The following MND1 variants were observed in gnomAD, a reference collection of about 807,000 sequenced individuals.
MND1 encodes meiotic nuclear division protein 1 homolog.
In MND1, 28 loss-of-function variants were observed where a neutral mutation model predicts 35.1. That is an observed-to-expected ratio of 0.80 (90% CI 0.59 to 1.09). The LOEUF is 1.09. MND1 is among the 50% of genes least tolerant of loss of function. MND1 has a pLI of 0.00. For synonymous variants in MND1, 69 were observed against 70.5 expected, an observed-to-expected ratio of 0.98 and a Z score of 0.11; for missense variants, 213 against 239.6, an observed-to-expected ratio of 0.89 and a Z score of 0.73.
Position 153,358,605 on chromosome 4 carries a change from G to A in MND1, c.259G>A (p.Glu87Lys), listed in dbSNP as rs1223472417. 1.4e-5 allele frequency: 22 copies of A among 1,612,314 alleles called. No individual in the cohort carries two copies. Among genetic ancestry groups the A allele is most frequent in the Non-Finnish European group, 1.8e-5 (21 of 1,179,408 alleles). The change falls in exon 4 of 8, where the codon GAG becomes AAG. Residue 87 changes from glutamate to lysine, a missense_variant. Transcript: ENST00000240488. ...TCTTCATGCAAGGAAACATAAGTTG[G>A]AGGTTCTGGAATCTCAGGTAAGCTG... is the stretch of plus-strand genomic sequence containing the variant. ...KALHARKHKL[E>K]VLESQLSEGS...
intron 2 of MND1, among the ~76,000 whole-genome samples, chr4:153,354,094 C>T (rs1235334262): frequency 6.6e-6 from 1 of 152,124 alleles, no homozygotes; most frequent in Admixed American, 6.5e-5. Context: ...AAGTTCTTTT[C>T]ACCACTTCAA....
chr4:153,344,834 A>C, intron 1 of MND1, 94 bp downstream of exon 1: 2 of 1,530,644 alleles, frequency 1.3e-6, no homozygotes, highest in South Asian at 2.4e-5. Flanking sequence ...CCTGGCGTTG[A>C]CCGCCATTCC....
At chr4:153,355,788 G>A in intron 3 of MND1, 77 bp downstream of exon 3, 1 of 936,512 alleles carries the variant, frequency 1.1e-6, no homozygotes, top group Non-Finnish European at 1.7e-6. Flanking sequence ...TATTCATTAA[G>A]TCATCTTTTC....
chr4:153,371,715 C>CTTTCTCTATCTCA lies in MND1; in HGVS notation c.276+13093_276+13094insTTTCTCTATCTCA, dbSNP rs1195634910. Among the ~76,000 whole-genome samples, 6 of 152,046 alleles carry CTTTCTCTATCTCA rather than the reference C, an allele frequency of 3.9e-5. No homozygotes were observed. The East Asian group carries it at 7.7e-4, about 19-fold the overall frequency. On this transcript the variant is annotated intron_variant, in intron 4 of 7. Coordinates refer to ENST00000240488, the MANE Select transcript of MND1 (RefSeq NM_032117.4). ...TAAAACTTTCTCTATCTCAGCAATACGGCTGTTTTGCTTTCTCATCATTTG... is the reference window on the plus strand; with the variant it reads ...TAAAACTTTCTCTATCTCAGCAATACTTTCTCTATCTCAGGCTGTTTTGCTTTCTCATCATTTG...
At chr4:153,353,463 A>C (rs1192852850) in intron 2 of MND1, among the ~76,000 whole-genome samples, 1 of 133,206 alleles carries the variant, frequency 7.5e-6, no homozygotes, top group Non-Finnish European at 1.6e-5. Flanking sequence ...CTATCCACTT[A>C]TCTCTCCATC....
intron 4 of MND1, among the ~76,000 whole-genome samples, chr4:153,369,664 T>G (rs1361419137): frequency 6.6e-6 from 1 of 152,210 alleles, no homozygotes; most frequent in Non-Finnish European, 1.5e-5. Context: ...GCCTTGATCT[T>G]GATGGCTGCT....
At chr4:153,362,933 A>G (rs1453311311) in intron 4 of MND1, 2 of 871,966 alleles carry the variant, frequency 2.3e-6, no homozygotes, top group Non-Finnish European at 2.8e-6. Context: ...ACTGCATAAA[A>G]TTTAGTATGC....
At chr4:153,409,963 A>G (rs2149660448) in intron 7 of MND1, among the ~76,000 whole-genome samples, 1 of 152,312 alleles carries the variant, frequency 6.6e-6, no homozygotes, top group Middle Eastern at 3.4e-3. Context: ...TTCAACAAAG[A>G]GGCTCAGCAC....
chr4:153,380,985 C>T (rs865843404), intron 4 of MND1, among the ~76,000 whole-genome samples: 1 of 151,670 alleles, frequency 6.6e-6, no homozygotes, highest in Non-Finnish European at 1.5e-5. Context: ...CTGCAAGCTC[C>T]GCCTCCTGGG....
At chr4:153,409,637 T>C (rs10030725) in intron 7 of MND1, among the ~76,000 whole-genome samples, 83,327 of 152,050 alleles carry the variant, frequency 0.55, 24,801 homozygotes, top group African/African-American at 0.8. Flanking sequence ...CAAGAACAGA[T>C]GCTGGAGCCA....
intron 6 of MND1, among the ~76,000 whole-genome samples, chr4:153,398,695 C>T (rs184045105): frequency 3.9e-5 from 6 of 152,332 alleles, no homozygotes; most frequent in Admixed American, 2.6e-4. Flanking sequence ...AGAATGTCAG[C>T]TCTTTTATGC....
chr4:153,387,843 T>C (rs1453808401), intron 4 of MND1, among the ~76,000 whole-genome samples: 1 of 151,940 alleles, frequency 6.6e-6, no homozygotes, highest in Non-Finnish European at 1.5e-5. Flanking sequence ...TAACCTTTTT[T>C]TTTTCCACAA....
chr4:153,355,893 T>G (rs1051478823), intron 3 of MND1, 182 bp downstream of exon 3: 12 of 549,718 alleles, frequency 2.2e-5, no homozygotes, highest in African/African-American at 2.1e-4. Flanking sequence ...GTCCTTTATT[T>G]TTCTGTATAA....
chr4:153,390,891 GTGTGTGTGTGTGTGTGTGTGTGTGTATA>G (rs1274246241), intron 4 of MND1, among the ~76,000 whole-genome samples: 15 of 50,088 alleles, frequency 3.0e-4, no homozygotes, highest in African/African-American at 1.1e-3. Context: ...GTATATATAT[GTGTGTGTGTGTGTGTGTGTGTGTGTATA>G]TGTGTGTGTG....
intron 1 of MND1, 95 bp downstream of exon 1, chr4:153,344,835 C>T (rs897610091): frequency 2.0e-6 from 3 of 1,527,596 alleles, no homozygotes; most frequent in East Asian, 2.6e-5. Context: ...CTGGCGTTGA[C>T]CGCCATTCCG....
At position 153,358,446 on chromosome 4, in the gene MND1, CAT is replaced by C. The variant is rs763174364; in HGVS notation, c.128-26_128-25del. The C allele has an allele frequency of 4.1e-5, 64 of 1,551,972 alleles. No individual in the cohort carries two copies. In the South Asian group the frequency reaches 6.8e-4, roughly 16 times the overall value. Reference sequence around the variant, plus strand: ...AATTTTATTTATGGTGTTTTTCTAACATAGAGTCTTTAAAAATTGTCTCTTAG... The same window carrying C: ...AATTTTATTTATGGTGTTTTTCTAACAGAGTCTTTAAAAATTGTCTCTTAG... On this transcript the variant is annotated intron_variant, in intron 3 of 7. Transcript: ENST00000240488.
intron 6 of MND1, among the ~76,000 whole-genome samples, chr4:153,400,935 T>A (rs1347909120): frequency 6.6e-6 from 1 of 152,068 alleles, no homozygotes; most frequent in East Asian, 1.9e-4. Flanking sequence ...AGAGAAGATA[T>A]AAAAAAGACC....
chr4:153,366,228 A>G (rs1463815157), intron 4 of MND1, among the ~76,000 whole-genome samples: 1 of 152,226 alleles, frequency 6.6e-6, no homozygotes, highest in East Asian at 1.9e-4. Flanking sequence ...AGGATCTGTC[A>G]TAGTAATCCT....
chr4:153,349,868 T>C (rs1446227474), intron 1 of MND1, among the ~76,000 whole-genome samples, 196 bp from the exon 2 acceptor site: 1 of 152,222 alleles, frequency 6.6e-6, no homozygotes, highest in African/African-American at 2.4e-5. Flanking sequence ...TGCCTCAATT[T>C]ACAGTTACCA....
Sources: allele counts gnomAD v4.1 joint callset (sites outside exome capture counted in the v4.1 genomes callset), GRCh38; gene constraint gnomAD v4.1.1; transcripts MANE v1.5; gene names NCBI Gene and HGNC (gene_info 2026-07-23, HGNC 2026-07-21).